The following TNS3 variants were observed in gnomAD, a reference collection of about 807,000 sequenced individuals.
TNS3 encodes tensin 3.
Under a neutral mutation model 140.9 loss-of-function variants are expected in TNS3, and 45 were observed. The ratio of observed to expected loss-of-function variants is 0.32; its 90% CI spans 0.25 to 0.41. The LOEUF is 0.41. Ranked by LOEUF, TNS3 falls within the 10% of genes least tolerant of loss-of-function variation. The pLI, the probability that TNS3 is intolerant of heterozygous loss-of-function variation, is 1.00. For synonymous variants in TNS3, 815 were observed against 788.4 expected (o/e 1.03, Z -0.56); for missense variants, 1,716 against 1,906.7 (o/e 0.90, Z 1.86).
chr7:47,399,058 C>A (rs2151333677), intron 15 of TNS3, among the ~76,000 whole-genome samples: 1 of 128,392 alleles, frequency 7.8e-6, no homozygotes, highest in African/African-American at 2.8e-5. Context: ...AAATTAAGAA[C>A]TCAATTCTTT....
chr7:47,475,864 C>T lies in TNS3; in HGVS notation c.-76+5239G>A, dbSNP rs559159314. On this transcript the variant is annotated intron_variant, in intron 4 of 30. Coordinates refer to ENST00000311160, the MANE Select transcript of TNS3 (RefSeq NM_022748.12). The stretch of plus-strand genomic sequence containing the variant: ...GACTCGCATGCGCCCTTGTTCTGAC[C>T]GTGGTGCCTCCAAGTCTGCAAATGC... 4.6e-5 allele frequency among the ~76,000 whole-genome samples: 7 copies of T among 152,288 alleles called. No homozygotes were observed. The South Asian group carries it at 1.2e-3, about 27-fold the overall frequency.
intron 16 of TNS3, among the ~76,000 whole-genome samples, chr7:47,395,020 C>G (rs1050961446): frequency 6.6e-6 from 1 of 152,260 alleles, no homozygotes; most frequent in Non-Finnish European, 1.5e-5. Flanking sequence ...CACTGCTCCC[C>G]TCTTACGGCA....
At chr7:47,351,754 C>T (rs1789685670) in intron 17 of TNS3, among the ~76,000 whole-genome samples, 1 of 152,050 alleles carries the variant, frequency 6.6e-6, no homozygotes, top group South Asian at 2.1e-4. Flanking sequence ...CCCTAGGGCA[C>T]GGGTGCAACA....
chr7:47,316,646 T>C (rs1372728882), intron 20 of TNS3, among the ~76,000 whole-genome samples: 4 of 151,622 alleles, frequency 2.6e-5, no homozygotes, highest in South Asian at 2.1e-4. Context: ...CTGGCCAACA[T>C]TGTGAAACAC....
chr7:47,537,288 G>C (rs936556358), intron 1 of TNS3, among the ~76,000 whole-genome samples: 5 of 152,084 alleles, frequency 3.3e-5, no homozygotes, highest in African/African-American at 1.2e-4. Context: ...GGTCCCAGCC[G>C]CGCGCCGCAG....
chr7:47,298,690 G>A (rs1160081086), intron 23 of TNS3, among the ~76,000 whole-genome samples: 1 of 152,252 alleles, frequency 6.6e-6, no homozygotes, highest in African/African-American at 2.4e-5. Flanking sequence ...GCATGCCTCA[G>A]TAAATACCTC....
chr7:47,285,632 T>C (rs1267127488), intron 27 of TNS3, among the ~76,000 whole-genome samples: 1 of 152,216 alleles, frequency 6.6e-6, no homozygotes, highest in Admixed American at 6.5e-5. Flanking sequence ...ATTAGCATCA[T>C]GAGAGCCGAC....
At position 47,302,819 on chromosome 7, in the gene TNS3, C is replaced by G. The variant is rs865929318; in HGVS notation, c.3457+131G>C. 4.5e-5 allele frequency: 57 copies of G among 1,277,992 alleles called. No individual in the cohort carries two copies. The Middle Eastern group carries it at 8.5e-4, about 19-fold the overall frequency. 79.2% of individuals were successfully genotyped at this position (1,277,992 alleles called of 1,614,324 possible). On this transcript the variant is annotated intron_variant, in intron 22 of 30. Coordinates refer to ENST00000311160, the MANE Select transcript of TNS3 (RefSeq NM_022748.12). Reference sequence around the variant, plus strand: ...CGAGGAAAATGGAAAAGTACCCCAACGGCTCTGGATTTCCTCTCCAGGTGC... The same window carrying G: ...CGAGGAAAATGGAAAAGTACCCCAAGGGCTCTGGATTTCCTCTCCAGGTGC...
chr7:47,458,908 G>A (rs999540066), intron 4 of TNS3, among the ~76,000 whole-genome samples: 1 of 152,216 alleles, frequency 6.6e-6, no homozygotes, highest in Non-Finnish European at 1.5e-5. Context: ...ACAAAAAGAA[G>A]CAGACAGAAT....
intron 13 of TNS3, chr7:47,405,694 C>G (rs1206085580): frequency 1.5e-6 from 1 of 662,882 alleles, no homozygotes; most frequent in Non-Finnish European, 2.7e-6. Context: ...CAAAATAATG[C>G]TGTGATGCGT....
chr7:47,528,103 C>T (rs1799264284), intron 2 of TNS3, among the ~76,000 whole-genome samples: 1 of 152,114 alleles, frequency 6.6e-6, no homozygotes, highest in Non-Finnish European at 1.5e-5. Flanking sequence ...ACTGACTTCT[C>T]CAAGGGGCCG....
chr7:47,537,448 G>A (rs968773591), intron 1 of TNS3, among the ~76,000 whole-genome samples: 3 of 152,054 alleles, frequency 2.0e-5, no homozygotes, highest in Non-Finnish European at 4.4e-5. Flanking sequence ...CGAGCGCGGA[G>A]GCACAGGCTG....
intron 10 of TNS3, among the ~76,000 whole-genome samples, chr7:47,417,272 G>A (rs1252855119): frequency 6.6e-6 from 1 of 152,264 alleles, no homozygotes; most frequent in Non-Finnish European, 1.5e-5. Flanking sequence ...CCCAGGTCTT[G>A]TACCATACTG....
At chr7:47,411,488 G>C (rs74907086) in intron 13 of TNS3, among the ~76,000 whole-genome samples, 7,852 of 152,254 alleles carry the variant, frequency 0.052, 441 homozygotes, top group African/African-American at 0.13. Context: ...GATCTGACGG[G>C]AGGCTCAGGT....
intron 16 of TNS3, among the ~76,000 whole-genome samples, chr7:47,386,985 T>G (rs2151262524): frequency 6.6e-6 from 1 of 152,358 alleles, no homozygotes; most frequent in Non-Finnish European, 1.5e-5. Flanking sequence ...CATGGCATCT[T>G]AGATAACAGT....
chr7:47,492,107 C>T (rs147303609), intron 3 of TNS3, among the ~76,000 whole-genome samples: 1 of 152,350 alleles, frequency 6.6e-6, no homozygotes, highest in African/African-American at 2.4e-5. Flanking sequence ...ACTATTGGCA[C>T]CAGAAATGGC....
intron 16 of TNS3, among the ~76,000 whole-genome samples, chr7:47,378,200 G>A (rs958211278): frequency 6.6e-6 from 1 of 152,198 alleles, no homozygotes; most frequent in African/African-American, 2.4e-5. Context: ...CTCTGGTCAA[G>A]TGAAGAATTC....
chr7:47,407,090 G>A lies in TNS3; in HGVS notation c.723+4637C>T, dbSNP rs1793492742. On this transcript the variant is annotated intron_variant, in intron 13 of 30. Transcript: ENST00000311160. The surrounding 1 kb of genome is among the most constrained non-coding windows in gnomAD (Gnocchi z 4.1). ...TGCCAATAATGAGAAACGTGCAACC[G>A]CATTTTTTTCTTCCTGTGTTGTTCC... Among the ~76,000 whole-genome samples, 2 of 152,248 alleles carry A rather than the reference G, an allele frequency of 1.3e-5. No individual in the cohort carries two copies. Among genetic ancestry groups the A allele is most frequent in the African/African-American group, 4.8e-5 (2 of 41,558 alleles).
intron 14 of TNS3, 62 bp downstream of exon 14, chr7:47,400,723 T>C: frequency 1.3e-6 from 2 of 1,590,576 alleles, no homozygotes; most frequent in East Asian, 2.3e-5. Context: ...AGTGAAAGAA[T>C]CAACCAAGGA....
Sources: gnomAD v4.1 joint callset for allele counts (sites outside exome capture counted in the v4.1 genomes callset) on GRCh38, gnomAD v4.1.1 for gene constraint, Gnocchi (gnomAD v3.1) non-coding constraint, MANE v1.5 for transcripts, NCBI Gene and HGNC (gene_info 2026-07-23, HGNC 2026-07-21) for gene names.